Variants in TENM3 observed in about 807,000 individuals in gnomAD.
TENM3 encodes teneurin transmembrane protein 3.
A neutral mutation model predicts 255.1 loss-of-function variants in TENM3; 63 were observed. The ratio of observed to expected loss-of-function variants is 0.25; its 90% CI spans 0.20 to 0.30. The LOEUF (loss-of-function observed/expected upper bound fraction) is 0.30. TENM3 is among the 10% of genes least tolerant of loss of function. TENM3 has a pLI of 1.00. For synonymous variants in TENM3, 1,306 were observed against 1,322.3 expected, an observed-to-expected ratio of 0.99 and a Z score of 0.27; for missense variants, 2,929 against 3,461.1, an observed-to-expected ratio of 0.85 and a Z score of 3.86.
chr4:182,715,470 G>A (rs1307342025), intron 13 of TENM3, among the ~76,000 whole-genome samples: 2 of 152,180 alleles, frequency 1.3e-5, no homozygotes, highest in Non-Finnish European at 2.9e-5. Flanking sequence ...CTATAAAATA[G>A]GAATAAAAGA....
chr4:182,470,828 C>T (rs988514767), intron 3 of TENM3, among the ~76,000 whole-genome samples: 2 of 152,120 alleles, frequency 1.3e-5, no homozygotes, highest in Non-Finnish European at 2.9e-5. Context: ...CTCCATGATT[C>T]CCAGGTAAAT....
At chr4:181,941,287 C>CTCTTTCCAG in the TENM3 span, among the ~76,000 whole-genome samples, 1 of 148,884 alleles carries the variant, frequency 6.7e-6, no homozygotes, top group Non-Finnish European at 1.5e-5. Flanking sequence ...TCTCTACTCT[C>CTCTTTCCAG]TCTTTCCAGA....
At chr4:182,658,736 T>C (rs1399185434) in intron 6 of TENM3, among the ~76,000 whole-genome samples, 1 of 152,346 alleles carries the variant, frequency 6.6e-6, no homozygotes, top group Non-Finnish European at 1.5e-5. Flanking sequence ...CTTAGGACAC[T>C]GCGATTGCTT....
the TENM3 span, among the ~76,000 whole-genome samples, chr4:182,080,727 C>G: frequency 6.6e-6 from 1 of 152,170 alleles, no homozygotes; most frequent in Non-Finnish European, 1.5e-5. Flanking sequence ...CATGGTGGCT[C>G]GCGCCCGTAA....
chr4:182,726,765 C>T (rs1219949607), intron 13 of TENM3, among the ~76,000 whole-genome samples: 1 of 152,184 alleles, frequency 6.6e-6, no homozygotes, highest in Non-Finnish European at 1.5e-5. Flanking sequence ...GCCAGGCCTT[C>T]TCACGTCTTG....
chr4:182,391,332 T>G (rs2150981989), intron 3 of TENM3, among the ~76,000 whole-genome samples: 1 of 152,284 alleles, frequency 6.6e-6, no homozygotes, highest in South Asian at 2.1e-4. Context: ...CTGGTAAATT[T>G]CAGAAGTTAA....
At chr4:182,448,955 C>T (rs1561457834) in intron 3 of TENM3, 2 of 392,686 alleles carry the variant, frequency 5.1e-6, no homozygotes, top group Admixed American at 5.8e-5. Flanking sequence ...CTCAGCCTAT[C>T]ATGTCTGGCC....
chr4:181,754,284 T>TCACACACACA, the TENM3 span, among the ~76,000 whole-genome samples: 582 of 144,596 alleles, frequency 4.0e-3, 2 homozygotes, highest in Non-Finnish European at 6.0e-3. Flanking sequence ...TATATCCCAG[T>TCACACACACA]CACACACACA....
the TENM3 span, among the ~76,000 whole-genome samples, chr4:181,773,481 C>T: frequency 6.6e-6 from 1 of 152,174 alleles, no homozygotes; most frequent in Non-Finnish European, 1.5e-5. Flanking sequence ...AGACTATCTG[C>T]TCCAAACTTA....
At chr4:181,697,990 G>T in the TENM3 span, among the ~76,000 whole-genome samples, 7 of 151,866 alleles carry the variant, frequency 4.6e-5, no homozygotes, top group Non-Finnish European at 8.8e-5. Flanking sequence ...CAAGGCGGGC[G>T]GATCATGAGG....
chr4:181,576,549 A>G, the TENM3 span, among the ~76,000 whole-genome samples: 1 of 152,126 alleles, frequency 6.6e-6, no homozygotes, highest in African/African-American at 2.4e-5. Flanking sequence ...AGCAGTGTGG[A>G]AGGAAGGACG....
chr4:182,538,555 A>G (rs1740560519), intron 3 of TENM3, among the ~76,000 whole-genome samples: 2 of 152,224 alleles, frequency 1.3e-5, no homozygotes, highest in African/African-American at 4.8e-5. Context: ...AGCATAATGC[A>G]AGGTGAGCTT....
Position 182,701,210 on chromosome 4 carries a change from C to CTTTTTT in TENM3, c.2222-12854_2222-12849dup, listed in dbSNP as rs35538818. ...TTTTCACATACAGTCCAACTCTTGA[C>CTTTTTT]TTTTTTTTTTTTTTTTTTTTTTTTT... On this transcript the variant is annotated intron_variant, in intron 12 of 27. Transcript: ENST00000511685. Among the ~76,000 whole-genome samples the CTTTTTT allele has an allele frequency of 2.8e-3, 108 of 38,664 alleles. 40 individuals are homozygous for CTTTTTT. The highest frequency in any genetic ancestry group is 6.4e-3 in the South Asian group (4 of 624). The allele number at this position is 38,664 out of a possible 152,430, so 25.4% of individuals were successfully genotyped here.
the TENM3 span, among the ~76,000 whole-genome samples, chr4:181,785,780 G>A: frequency 1.3e-5 from 2 of 151,182 alleles, no homozygotes; most frequent in South Asian, 2.1e-4. Context: ...TACTCATCCT[G>A]TATCTTTCTC....
chr4:181,801,425 C>T, the TENM3 span, among the ~76,000 whole-genome samples: 2 of 151,912 alleles, frequency 1.3e-5, no homozygotes, highest in South Asian at 2.1e-4. Flanking sequence ...TTTCAAGCAC[C>T]GGTCTAAAAA....
intron 3 of TENM3, among the ~76,000 whole-genome samples, chr4:182,376,817 T>C (rs180852503): frequency 1.6e-4 from 25 of 152,256 alleles, no homozygotes; most frequent in Non-Finnish European, 1.6e-4. Context: ...AGATGTTATC[T>C]TGATATTACA....
the TENM3 span, among the ~76,000 whole-genome samples, chr4:181,989,378 C>G: frequency 6.6e-6 from 1 of 152,030 alleles, no homozygotes; most frequent in African/African-American, 2.4e-5. Context: ...AAAGGCATGT[C>G]TTTTCACCTA....
chr4:182,662,090 T>A (rs56223238), intron 6 of TENM3, among the ~76,000 whole-genome samples: 2,238 of 152,326 alleles, frequency 0.015, 69 homozygotes, highest in African/African-American at 0.051. Context: ...ATTTATAAAG[T>A]GTTTTTCAGT....
rs560779020 is a variant in TENM3 at position 182,771,506 on chromosome 4, G to A, written c.4893-1966G>A. Among the ~76,000 whole-genome samples the A allele has an allele frequency of 4.0e-5, 6 of 148,472 alleles. No homozygotes were observed. The South Asian group carries it at 1.4e-3, about 34-fold the overall frequency. ...ATTTTCCGTCTCTGAAATGGGGGGG[G>A]GGGAAATAGTACAATACAGAATTCT... On this transcript the variant is annotated intron_variant, in intron 22 of 27. Coordinates refer to ENST00000511685, the MANE Select transcript of TENM3 (RefSeq NM_001080477.4).
Sources: gnomAD v4.1 joint callset for allele counts (sites outside exome capture counted in the v4.1 genomes callset) on GRCh38, gnomAD v4.1.1 for gene constraint, MANE v1.5 for transcripts, NCBI Gene and HGNC (gene_info 2026-07-23, HGNC 2026-07-21) for gene names.